The following INPP4B variants were observed in gnomAD, a reference collection of about 807,000 sequenced individuals.
INPP4B encodes inositol polyphosphate-4-phosphatase type II B, also known as inositol polyphosphate 4-phosphatase type II.
INPP4B carries 55 observed loss-of-function variants against 122.5 expected under a neutral mutation model. That is an observed-to-expected ratio of 0.45 (90% confidence interval 0.36 to 0.56). The LOEUF is 0.56. INPP4B is among the 20% of genes least tolerant of loss of function. The pLI is 0.00. For missense variants in INPP4B, 1,000 were observed against 1,097.7 expected, an observed-to-expected ratio of 0.91 and a Z score of 1.26; for synonymous variants, 403 against 388.7, an observed-to-expected ratio of 1.04 and a Z score of -0.43.
At chr4:142,539,886 T>G (rs902482139) in intron 2 of INPP4B, among the ~76,000 whole-genome samples, 2 of 151,958 alleles carry the variant, frequency 1.3e-5, no homozygotes, top group African/African-American at 4.8e-5. Context: ...GGGAAAAAAA[T>G]TACTAAGTTT....
At chr4:142,055,395 G>A (rs1199041572) in intron 25 of INPP4B, among the ~76,000 whole-genome samples, 1 of 151,974 alleles carries the variant, frequency 6.6e-6, no homozygotes, top group Admixed American at 6.6e-5. Context: ...AATAAGCTAT[G>A]GTAAATATAA....
intron 7 of INPP4B, among the ~76,000 whole-genome samples, chr4:142,326,113 C>T (rs1167508501): frequency 6.6e-6 from 1 of 152,190 alleles, no homozygotes; most frequent in Non-Finnish European, 1.5e-5. Context: ...CTCCATAGTA[C>T]TTATTTCTGG....
intron 1 of INPP4B, among the ~76,000 whole-genome samples, chr4:142,753,594 A>G (rs1408017926): frequency 6.6e-6 from 1 of 152,066 alleles, no homozygotes; most frequent in Non-Finnish European, 1.5e-5. Context: ...ATCTAGGGAC[A>G]CTTGGGAGTA....
chr4:142,596,662 T>C (rs1397243750), intron 2 of INPP4B, among the ~76,000 whole-genome samples: 3 of 152,354 alleles, frequency 2.0e-5, no homozygotes, highest in South Asian at 4.1e-4. Flanking sequence ...CCATTTATAC[T>C]TGTAGTTTAA....
At chr4:142,731,197 A>C (rs1561007271) in intron 1 of INPP4B, among the ~76,000 whole-genome samples, 1 of 152,098 alleles carries the variant, frequency 6.6e-6, no homozygotes, top group Non-Finnish European at 1.5e-5. Context: ...GCCACATTAC[A>C]TTTAAACACT....
intron 2 of INPP4B, among the ~76,000 whole-genome samples, chr4:142,708,932 A>C: frequency 6.6e-6 from 1 of 152,158 alleles, no homozygotes; most frequent in Non-Finnish European, 1.5e-5. Flanking sequence ...CTGTGAAAGC[A>C]GTGGAGGGGG....
chr4:142,362,577 A>G (rs1283508358), intron 7 of INPP4B, among the ~76,000 whole-genome samples: 1 of 151,998 alleles, frequency 6.6e-6, no homozygotes, highest in Non-Finnish European at 1.5e-5. Context: ...TGGCTGTTTA[A>G]TAGAAATGTG....
At chr4:142,729,495 C>A (rs1038621280) in intron 1 of INPP4B, among the ~76,000 whole-genome samples, 1 of 133,206 alleles carries the variant, frequency 7.5e-6, no homozygotes, top group African/African-American at 2.8e-5. Context: ...GATCCTGATG[C>A]CTCTGGAATA....
intron 2 of INPP4B, among the ~76,000 whole-genome samples, chr4:142,646,200 A>G (rs558606141): frequency 6.6e-6 from 1 of 152,302 alleles, no homozygotes; most frequent in Non-Finnish European, 1.5e-5. Flanking sequence ...TTGTATGTAA[A>G]TTATATCTCA....
At chr4:142,449,230 G>T (rs576430363) in intron 3 of INPP4B, among the ~76,000 whole-genome samples, 1 of 152,098 alleles carries the variant, frequency 6.6e-6, no homozygotes, top group Non-Finnish European at 1.5e-5. Flanking sequence ...TTACCGCGAG[G>T]AAGCAACACT....
intron 10 of INPP4B, among the ~76,000 whole-genome samples, chr4:142,262,519 C>T (rs1437289554): frequency 6.6e-6 from 1 of 152,132 alleles, no homozygotes; most frequent in East Asian, 1.9e-4. Flanking sequence ...GTATAAACAA[C>T]CATGCCTAAG....
intron 25 of INPP4B, among the ~76,000 whole-genome samples, chr4:142,067,623 G>A (rs1011048329): frequency 1.3e-5 from 2 of 152,204 alleles, no homozygotes; most frequent in East Asian, 1.9e-4. Context: ...AAACGGTGTA[G>A]AGAAGTCCTT....
At chr4:142,072,871 T>A (rs1194742324) in intron 25 of INPP4B, among the ~76,000 whole-genome samples, 1 of 152,076 alleles carries the variant, frequency 6.6e-6, no homozygotes, top group African/African-American at 2.4e-5. Context: ...CAGTTACCAA[T>A]TTCTTTATAT....
chr4:142,084,665 G>C (rs1351920567), intron 24 of INPP4B, among the ~76,000 whole-genome samples: 1 of 152,102 alleles, frequency 6.6e-6, no homozygotes, highest in Non-Finnish European at 1.5e-5. Context: ...GGTGAATTGT[G>C]AGTAAATCAT....
At chr4:142,369,595 T>TAAAC (rs1389829741) in intron 7 of INPP4B, among the ~76,000 whole-genome samples, 1 of 140,232 alleles carries the variant, frequency 7.1e-6, no homozygotes, top group Non-Finnish European at 1.5e-5. Context: ...AAAAAATAAA[T>TAAAC]AAATAAATAA....
chr4:142,371,014 C>A (rs1201284940), intron 7 of INPP4B, among the ~76,000 whole-genome samples: 1 of 152,094 alleles, frequency 6.6e-6, no homozygotes, highest in Admixed American at 6.6e-5. Context: ...GAAGGCACCA[C>A]ACTACCTGAC....
Position 142,720,740 on chromosome 4 carries a change from A to G in INPP4B, c.-191+5099T>C, listed in dbSNP as rs547322867. Among the ~76,000 whole-genome samples, 26 of 36,622 alleles carry G rather than the reference A, an allele frequency of 7.1e-4. 1 individual carries two copies. The East Asian group carries it at 9.7e-3, about 14-fold the overall frequency. 24.0% of individuals were successfully genotyped at this position (36,622 alleles called of 152,430 possible). A position where few individuals can be genotyped will look rare whatever the true frequency, so the allele number is the denominator to read the frequency against. On this transcript the variant is annotated intron_variant, in intron 2 of 25. Transcript: ENST00000262992. ...TATGTGTATATATATACATATATATATATATATACATATATATATAATCTC... is the reference window on the plus strand; with the variant it reads ...TATGTGTATATATATACATATATATGTATATATACATATATATATAATCTC...
chr4:142,708,952 C>T (rs2150786843), intron 2 of INPP4B, among the ~76,000 whole-genome samples: 2 of 152,122 alleles, frequency 1.3e-5, no homozygotes, highest in South Asian at 4.2e-4. Flanking sequence ...GCTTTCTAGC[C>T]CTCCACTGTG....
At chr4:142,330,691 T>C (rs756201697) in intron 7 of INPP4B, among the ~76,000 whole-genome samples, 3 of 152,216 alleles carry the variant, frequency 2.0e-5, no homozygotes, top group Admixed American at 1.3e-4. Context: ...TTAAGGACTT[T>C]AGTGTCTCAG....
Sources: allele counts gnomAD v4.1 joint callset (sites outside exome capture counted in the v4.1 genomes callset), GRCh38; gene constraint gnomAD v4.1.1; transcripts MANE v1.5; gene names NCBI Gene and HGNC (gene_info 2026-07-23, HGNC 2026-07-21).